The following HNRNPD variants were observed in gnomAD, a reference collection of about 807,000 sequenced individuals.
HNRNPD encodes heterogeneous nuclear ribonucleoprotein D.
Under a neutral mutation model 47.9 loss-of-function variants are expected in HNRNPD, and 3 were observed. That is an observed-to-expected ratio of 0.06 (90% CI 0.03 to 0.16). The LOEUF is 0.16. Ranked by LOEUF, HNRNPD falls within the 10% of genes least tolerant of loss-of-function variation. The pLI, the probability that HNRNPD is intolerant of heterozygous loss-of-function variation, is 1.00. For synonymous variants in HNRNPD, 171 were observed against 165.1 expected, an observed-to-expected ratio of 1.04 and a Z score of -0.28; for missense variants, 287 against 454.2, an observed-to-expected ratio of 0.63 and a Z score of 3.35.
rs1723603569 is a variant in HNRNPD at position 82,353,681 on chromosome 4, A to C, written c.*504T>G. On this transcript the variant is annotated 3_prime_UTR_variant, in exon 9 of 9. Coordinates refer to ENST00000313899, the MANE Select transcript of HNRNPD (RefSeq NM_031370.3). The stretch of plus-strand genomic sequence containing the variant: ...TGGACAGGGAGGACACATTATGGCA[A>C]AAATTAGATTTTGCTAAAAACATTT... 1 of 152,664 alleles carries C rather than the reference A, an allele frequency of 6.6e-6. No individual in the cohort carries two copies. The highest frequency in any genetic ancestry group is 2.4e-5 in the African/African-American group (1 of 41,460). The allele number at this position is 152,664 out of a possible 1,614,324, so 9.5% of individuals were successfully genotyped here. A position where few individuals can be genotyped will look rare whatever the true frequency, so the allele number is the denominator to read the frequency against.
chr4:82,353,130 A>T lies in HNRNPD; in HGVS notation c.*1055T>A, dbSNP rs1435028483. ...GAACTCAAGAAGCTTCCAACAAATG[A>T]CAGGAAAAACAATTCTGACTTAATC... On this transcript the variant is annotated 3_prime_UTR_variant, in exon 9 of 9. Coordinates refer to ENST00000313899, the MANE Select transcript of HNRNPD (RefSeq NM_031370.3). 6.6e-6 allele frequency: 1 copy of T among 152,178 alleles called. No homozygotes were observed. Among genetic ancestry groups the T allele is most frequent in the Non-Finnish European group, 1.5e-5 (1 of 68,024 alleles). The allele number at this position is 152,178 out of a possible 1,614,324, so 9.4% of individuals were successfully genotyped here.
intron 4 of HNRNPD, chr4:82,357,904 G>A: frequency 6.5e-6 from 1 of 152,722 alleles, no homozygotes; most frequent in Non-Finnish European, 1.5e-5. Context: ...TTCCCATGTT[G>A]CGTGCTCTTG....
intron 2 of HNRNPD, among the ~76,000 whole-genome samples, chr4:82,363,819 T>C (rs566257794): frequency 5.3e-5 from 8 of 152,296 alleles, no homozygotes; most frequent in Non-Finnish European, 1.2e-4. Flanking sequence ...ATTGTAAAAT[T>C]AAATGACAAG....
intron 1 of HNRNPD, 105 bp downstream of exon 1, chr4:82,373,341 G>A (rs1046094626): frequency 4.3e-5 from 62 of 1,429,982 alleles, no homozygotes; most frequent in Non-Finnish European, 5.6e-5. Context: ...CTGCATGGGG[G>A]CCCGGAGAAC....
At chr4:82,355,066 TA>T in intron 8 of HNRNPD, 2 of 500,974 alleles carry the variant, frequency 4.0e-6, no homozygotes, top group Non-Finnish European at 7.0e-6. Flanking sequence ...TGCAATTCCT[TA>T]ATTTGTACCC....
intron 2 of HNRNPD, among the ~76,000 whole-genome samples, chr4:82,361,000 C>CAAGGAA (rs1298300437): frequency 2.4e-4 from 37 of 152,128 alleles, no homozygotes; most frequent in Non-Finnish European, 4.4e-5. Flanking sequence ...TAGAGCTGGG[C>CAAGGAA]CATTTATATG....
intron 2 of HNRNPD, among the ~76,000 whole-genome samples, chr4:82,361,502 G>C (rs1719436500): frequency 6.6e-6 from 1 of 152,134 alleles, no homozygotes; most frequent in African/African-American, 2.4e-5. Context: ...AACTTTGAAA[G>C]TATTTCAGCC....
chr4:82,371,338 A>G (rs370380684), intron 2 of HNRNPD, among the ~76,000 whole-genome samples, 190 bp downstream of exon 2: 13 of 152,354 alleles, frequency 8.5e-5, no homozygotes, highest in African/African-American at 2.9e-4. Context: ...AATACCATGT[A>G]ACGGCATCAA....
chr4:82,360,163 G>C (rs1723898483), intron 2 of HNRNPD, among the ~76,000 whole-genome samples: 1 of 151,982 alleles, frequency 6.6e-6, no homozygotes, highest in African/African-American at 2.4e-5. Flanking sequence ...TTTTTTTGAT[G>C]TGCTAAGAGT....
intron 2 of HNRNPD, among the ~76,000 whole-genome samples, chr4:82,368,619 C>T (rs563116903): frequency 7.2e-5 from 11 of 152,236 alleles, no homozygotes; most frequent in African/African-American, 2.6e-4. Context: ...ATTTTTAACT[C>T]GGGAAATTTG....
Position 82,367,238 on chromosome 4 carries a change from C to T in HNRNPD, c.290+4290G>A, listed in dbSNP as rs369748751. Among the ~76,000 whole-genome samples the T allele has an allele frequency of 1.2e-4, 19 of 152,116 alleles. No homozygotes were observed. The East Asian group carries it at 2.5e-3, about 20-fold the overall frequency. On this transcript the variant is annotated intron_variant, in intron 2 of 8. Coordinates refer to ENST00000313899, the MANE Select transcript of HNRNPD (RefSeq NM_031370.3). ...GAAGCAATGACATCTTGTATGTTTA[C>T]GTTTTAAATAAGCTCTCAATCAGCT...
intron 2 of HNRNPD, among the ~76,000 whole-genome samples, chr4:82,361,322 A>G (rs556541635): frequency 6.6e-6 from 1 of 152,358 alleles, no homozygotes; most frequent in Non-Finnish European, 1.5e-5. Flanking sequence ...CACCCTGTAA[A>G]GGTGAGTACA....
chr4:82,358,530 C>T, intron 4 of HNRNPD, 129 bp downstream of exon 4: 1 of 808,604 alleles, frequency 1.2e-6, no homozygotes, highest in East Asian at 2.5e-5. Flanking sequence ...TTACAATATC[C>T]TTATTCCAAA....
At chr4:82,371,728 GC>G in intron 1 of HNRNPD, 144 bp from the exon 2 acceptor site, 1 of 581,764 alleles carries the variant, frequency 1.7e-6, no homozygotes. Context: ...AATTATCAGG[GC>G]TAACAGAAAG....
intron 2 of HNRNPD, among the ~76,000 whole-genome samples, chr4:82,361,197 T>C (rs1263005336): frequency 1.3e-5 from 2 of 152,230 alleles, no homozygotes; most frequent in Admixed American, 6.5e-5. Context: ...TTAATTTGAA[T>C]AGTGTGTACC....
At chr4:82,369,998 C>T (rs1719959667) in intron 2 of HNRNPD, among the ~76,000 whole-genome samples, 1 of 152,048 alleles carries the variant, frequency 6.6e-6, no homozygotes, top group South Asian at 2.1e-4. Flanking sequence ...CAAAATTAGC[C>T]AGGCATGGTG....
At chr4:82,362,346 T>G (rs945052863) in intron 2 of HNRNPD, among the ~76,000 whole-genome samples, 1 of 152,322 alleles carries the variant, frequency 6.6e-6, no homozygotes, top group South Asian at 2.1e-4. Context: ...CTGTGTAAAG[T>G]AGAAGTCTCT....
In HNRNPD at chr4:82,373,172, T is replaced by G. The variant is rs796920006; in HGVS notation, c.233+274A>C. The G allele has an allele frequency of 9.3e-6, 6 of 648,556 alleles. No homozygotes were observed. The African/African-American group carries it at 1.1e-4, about 12-fold the overall frequency. The allele number at this position is 648,556 out of a possible 1,614,324, so 40.2% of individuals were successfully genotyped here. ...GGCTAAGTCGGTGGGAGGAGACCCA[T>G]GGCGAGGGAGGAAAGGAGGGCGGGC... is the stretch of plus-strand genomic sequence containing the variant. On this transcript the variant is annotated intron_variant, in intron 1 of 8. Coordinates refer to ENST00000313899, the MANE Select transcript of HNRNPD (RefSeq NM_031370.3).
At chr4:82,367,149 C>T (rs987037211) in intron 2 of HNRNPD, among the ~76,000 whole-genome samples, 4 of 151,276 alleles carry the variant, frequency 2.6e-5, no homozygotes, top group Non-Finnish European at 5.9e-5. Context: ...ATTACAGGCA[C>T]GAGCCACTAC....
Sources: allele counts gnomAD v4.1 joint callset (sites outside exome capture counted in the v4.1 genomes callset), GRCh38; gene constraint gnomAD v4.1.1; transcripts MANE v1.5; gene names NCBI Gene and HGNC (gene_info 2026-07-23, HGNC 2026-07-21).